The following SORCS3 variants were observed in gnomAD, a reference collection of about 807,000 sequenced individuals.
The protein encoded by SORCS3 is sortilin related VPS10 domain containing receptor 3, also known as VPS10 domain-containing receptor SorCS3.
A neutral mutation model predicts 146.3 loss-of-function variants in SORCS3; 57 were observed. The ratio of observed to expected loss-of-function variants is 0.39; its 90% CI spans 0.31 to 0.49. The LOEUF is 0.49. SORCS3 is among the 20% of genes least tolerant of loss of function. The pLI is 0.92. For missense variants in SORCS3, 1,341 were observed against 1,575.5 expected, an observed-to-expected ratio of 0.85 and a Z score of 2.52; for synonymous variants, 653 against 618.5, an observed-to-expected ratio of 1.06 and a Z score of -0.83.
At chr10:105,205,438 A>G (rs1407286078) in intron 16 of SORCS3, among the ~76,000 whole-genome samples, 1 of 152,128 alleles carries the variant, frequency 6.6e-6, no homozygotes, top group East Asian at 1.9e-4. Context: ...AGCCTCATAA[A>G]TCCACCAGCC....
chr10:105,044,354 A>G (rs2055355711), intron 5 of SORCS3, among the ~76,000 whole-genome samples: 1 of 152,150 alleles, frequency 6.6e-6, no homozygotes, highest in Admixed American at 6.6e-5. Flanking sequence ...TACTGCCATC[A>G]TAGAGATTAG....
intron 1 of SORCS3, among the ~76,000 whole-genome samples, chr10:104,809,801 G>A (rs1054287824): frequency 6.6e-6 from 1 of 152,166 alleles, no homozygotes; most frequent in African/African-American, 2.4e-5. Context: ...TAGTTGCTTG[G>A]GGATACAGAA....
chr10:104,852,412 A>G (rs1263591993), intron 2 of SORCS3, among the ~76,000 whole-genome samples: 2 of 152,216 alleles, frequency 1.3e-5, no homozygotes, highest in Admixed American at 1.3e-4. Context: ...TTTTGGGACT[A>G]GTAGTTTCCT....
intron 13 of SORCS3, among the ~76,000 whole-genome samples, chr10:105,174,442 TA>T (rs1328842401): frequency 4.6e-5 from 7 of 151,982 alleles, no homozygotes; most frequent in Admixed American, 2.6e-4. Context: ...ATCAAAATAA[TA>T]ATAATAATAA....
At chr10:104,810,613 A>G (rs1411544543) in intron 1 of SORCS3, among the ~76,000 whole-genome samples, 4 of 152,236 alleles carry the variant, frequency 2.6e-5, no homozygotes, top group African/African-American at 9.6e-5. Flanking sequence ...CCTGAAACCT[A>G]AATCATGTGG....
chr10:105,043,167 G>C (rs780486756), intron 5 of SORCS3, 39 bp downstream of exon 5: 1 of 1,571,342 alleles, frequency 6.4e-7, no homozygotes, highest in Non-Finnish European at 8.8e-7. Flanking sequence ...CTTAGATAAA[G>C]AATTATCAAA....
At chr10:105,059,151 T>A (rs1397899771) in intron 5 of SORCS3, among the ~76,000 whole-genome samples, 1 of 152,030 alleles carries the variant, frequency 6.6e-6, no homozygotes, top group Non-Finnish European at 1.5e-5. Flanking sequence ...GGAGACAAAT[T>A]AGTGGAGTCC....
At chr10:105,026,646 G>A (rs114348587) in intron 4 of SORCS3, among the ~76,000 whole-genome samples, 5,726 of 152,290 alleles carry the variant, frequency 0.038, 358 homozygotes, top group African/African-American at 0.13. Context: ...CGACACAGCT[G>A]TAAAAAAGAA....
At chr10:105,164,073 CT>C in intron 11 of SORCS3, among the ~76,000 whole-genome samples, 1 of 152,142 alleles carries the variant, frequency 6.6e-6, no homozygotes, top group Non-Finnish European at 1.5e-5. Context: ...TCGATATTGT[CT>C]TTGACTCATG....
chr10:105,169,347 T>G (rs1328009408), intron 13 of SORCS3, among the ~76,000 whole-genome samples: 1 of 152,050 alleles, frequency 6.6e-6, no homozygotes, highest in African/African-American at 2.4e-5. Context: ...TGACTAGAAG[T>G]GAAAGCAATG....
At chr10:105,232,276 G>A (rs1278860089) in intron 20 of SORCS3, among the ~76,000 whole-genome samples, 2 of 151,972 alleles carry the variant, frequency 1.3e-5, no homozygotes, top group Non-Finnish European at 2.9e-5. Flanking sequence ...AACAGATTGT[G>A]TCTTTCAAGA....
intron 5 of SORCS3, among the ~76,000 whole-genome samples, chr10:105,089,446 G>T (rs1033014749): frequency 6.6e-5 from 10 of 152,206 alleles, no homozygotes; most frequent in African/African-American, 2.2e-4. Flanking sequence ...GGGGAAGGGA[G>T]AACTTCTGGG....
rs2015702483 is a variant in SORCS3 at position 104,661,666 on chromosome 10, TG to T, written c.627+19715del. The stretch of plus-strand genomic sequence containing the variant: ...CATTGTTATTTAAGGTAGTATGATT[TG>T]GGAATATAGATAGATAGATAGATAG... On this transcript the variant is annotated intron_variant, in intron 1 of 26. Coordinates refer to ENST00000369701, the MANE Select transcript of SORCS3 (RefSeq NM_014978.3). 3.3e-5 allele frequency among the ~76,000 whole-genome samples: 5 copies of T among 150,052 alleles called. No homozygotes were observed. The Admixed American group carries it at 3.3e-4, about 10-fold the overall frequency.
chr10:104,710,415 T>C (rs2016401260), intron 1 of SORCS3, among the ~76,000 whole-genome samples: 2 of 152,084 alleles, frequency 1.3e-5, no homozygotes, highest in Non-Finnish European at 2.9e-5. Flanking sequence ...TCTGGCTCAG[T>C]AGTGAAAAAA....
intron 5 of SORCS3, among the ~76,000 whole-genome samples, chr10:105,076,063 G>A (rs935143849): frequency 2.0e-5 from 3 of 152,162 alleles, no homozygotes; most frequent in Admixed American, 6.5e-5. Context: ...AAAGTGCTTG[G>A]AACCTGGTGT....
intron 8 of SORCS3, among the ~76,000 whole-genome samples, chr10:105,143,587 T>C (rs1400471015): frequency 6.6e-6 from 1 of 152,226 alleles, no homozygotes. Context: ...TTTTGTTGGA[T>C]GTCTACCATG....
intron 15 of SORCS3, among the ~76,000 whole-genome samples, chr10:105,200,326 TCTA>T (rs1023594563): frequency 6.6e-6 from 1 of 152,148 alleles, no homozygotes; most frequent in African/African-American, 2.4e-5. Flanking sequence ...TGGGATCCTA[TCTA>T]CTAATTGAGG....
intron 1 of SORCS3, among the ~76,000 whole-genome samples, chr10:104,714,021 G>C (rs541870865): frequency 6.6e-6 from 1 of 152,240 alleles, no homozygotes; most frequent in African/African-American, 2.4e-5. Context: ...TTTATATGAA[G>C]TATCAAATTT....
At chr10:105,154,748 T>G (rs1431498619) in intron 9 of SORCS3, among the ~76,000 whole-genome samples, 1 of 152,232 alleles carries the variant, frequency 6.6e-6, no homozygotes, top group African/African-American at 2.4e-5. Flanking sequence ...TAGAAATATA[T>G]GTGTACATAC....
Sources: gnomAD v4.1 joint callset for allele counts (sites outside exome capture counted in the v4.1 genomes callset) on GRCh38, gnomAD v4.1.1 for gene constraint, MANE v1.5 for transcripts, NCBI Gene and HGNC (gene_info 2026-07-23, HGNC 2026-07-21) for gene names.